Variants in RCAN2 observed in about 807,000 individuals in gnomAD.
RCAN2 encodes regulator of calcineurin 2.
In RCAN2, 9 loss-of-function variants were observed where a neutral mutation model predicts 23.6. The observed-to-expected ratio is 0.38, with a 90% confidence interval of 0.23 to 0.67. The LOEUF is 0.67. RCAN2 is among the 30% of genes least tolerant of loss of function. RCAN2 has a pLI of 0.51. For missense variants in RCAN2, 273 were observed against 302.3 expected (o/e 0.90, Z 0.72); for synonymous variants, 109 against 115.7 (o/e 0.94, Z 0.37).
At chr6:46,459,897 T>C (rs565851911) in intron 1 of RCAN2, among the ~76,000 whole-genome samples, 50 of 152,132 alleles carry the variant, frequency 3.3e-4, no homozygotes, top group Non-Finnish European at 5.9e-4. Flanking sequence ...AACTATGCAG[T>C]AAAAACACAT....
intron 2 of RCAN2, among the ~76,000 whole-genome samples, chr6:46,285,997 A>T (rs1561842914): frequency 6.6e-6 from 1 of 152,252 alleles, no homozygotes; most frequent in Non-Finnish European, 1.5e-5. Context: ...GATGAGCTGC[A>T]TGAAGCTCCT....
At chr6:46,224,805 A>G (rs904403851) in intron 4 of RCAN2, among the ~76,000 whole-genome samples, 4 of 150,770 alleles carry the variant, frequency 2.7e-5, no homozygotes, top group East Asian at 1.9e-4. Context: ...TTTTTTTATT[A>G]TACTTTAACT....
intron 2 of RCAN2, among the ~76,000 whole-genome samples, chr6:46,266,363 A>G (rs1767327195): frequency 6.6e-6 from 1 of 152,108 alleles, no homozygotes; most frequent in African/African-American, 2.4e-5. Flanking sequence ...TCCTTTGATT[A>G]TTATCATGTT....
chr6:46,398,237 A>T (rs887832227), intron 2 of RCAN2, among the ~76,000 whole-genome samples: 2 of 152,194 alleles, frequency 1.3e-5, no homozygotes, highest in African/African-American at 4.8e-5. Context: ...GGCAAATAAC[A>T]TTGTTTTTCT....
intron 2 of RCAN2, among the ~76,000 whole-genome samples, chr6:46,432,231 G>T (rs2150417591): frequency 6.6e-6 from 1 of 151,778 alleles, no homozygotes; most frequent in South Asian, 2.1e-4. Context: ...TTGTTTTCTT[G>T]AGATGGAGTT....
intron 2 of RCAN2, among the ~76,000 whole-genome samples, chr6:46,369,755 C>T (rs944948872): frequency 5.3e-5 from 8 of 152,174 alleles, no homozygotes; most frequent in Non-Finnish European, 7.3e-5. Flanking sequence ...AGCTCTTAGA[C>T]GTAGTTTTAA....
At position 46,302,475 on chromosome 6, in the gene RCAN2, G is replaced by T. The variant is rs1266326844; in HGVS notation, c.226-53579C>A. On this transcript the variant is annotated intron_variant, in intron 2 of 4. Transcript: ENST00000371374. Reference sequence around the variant, plus strand: ...ATTTCTGCCATTCTGCAATTTTGTTGTTTAGATTTGCTGTGATTGCATGAG... The same window carrying T: ...ATTTCTGCCATTCTGCAATTTTGTTTTTTAGATTTGCTGTGATTGCATGAG... Among the ~76,000 whole-genome samples, 3 of 152,016 alleles carry T rather than the reference G, an allele frequency of 2.0e-5. No homozygotes were observed. The East Asian group carries it at 5.8e-4, about 29-fold the overall frequency.
intron 2 of RCAN2, among the ~76,000 whole-genome samples, chr6:46,419,076 C>A (rs118083969): frequency 1.7e-4 from 26 of 152,110 alleles, no homozygotes; most frequent in African/African-American, 6.3e-4. Context: ...CTCTTCAGGC[C>A]GTGTGCATAT....
chr6:46,274,560 A>G (rs1025678456), intron 2 of RCAN2, among the ~76,000 whole-genome samples: 73 of 152,268 alleles, frequency 4.8e-4, no homozygotes, highest in Non-Finnish European at 1.0e-4. Context: ...CTTGGTCACA[A>G]CCTTCAAAGG....
intron 2 of RCAN2, among the ~76,000 whole-genome samples, chr6:46,388,957 GTAAAA>G (rs1041323138): frequency 6.6e-6 from 1 of 152,032 alleles, no homozygotes; most frequent in African/African-American, 2.4e-5. Flanking sequence ...AGAACTTAAA[GTAAAA>G]TAAAACTTTT....
chr6:46,282,667 G>A (rs985278419), intron 2 of RCAN2, among the ~76,000 whole-genome samples: 1 of 152,204 alleles, frequency 6.6e-6, no homozygotes, highest in South Asian at 2.1e-4. Flanking sequence ...GAGCTTAGGA[G>A]GAGACGTTCA....
intron 2 of RCAN2, among the ~76,000 whole-genome samples, chr6:46,290,305 T>C (rs1762516158): frequency 6.6e-6 from 1 of 152,186 alleles, no homozygotes; most frequent in Non-Finnish European, 1.5e-5. Context: ...AATCCTAATT[T>C]TGTAGGTGGA....
intron 2 of RCAN2, among the ~76,000 whole-genome samples, chr6:46,250,020 C>G (rs181102000): frequency 3.9e-5 from 6 of 152,280 alleles, no homozygotes; most frequent in East Asian, 1.9e-4. Flanking sequence ...ACTTTAGACT[C>G]AATACACAAT....
At chr6:46,485,180 G>A (rs1423940479) in intron 1 of RCAN2, among the ~76,000 whole-genome samples, 3 of 152,118 alleles carry the variant, frequency 2.0e-5, no homozygotes, top group African/African-American at 7.2e-5. Flanking sequence ...AAATAATTGG[G>A]AACAATCTGA....
chr6:46,366,926 T>C (rs1029947274), intron 2 of RCAN2, among the ~76,000 whole-genome samples: 1 of 149,566 alleles, frequency 6.7e-6, no homozygotes, highest in African/African-American at 2.5e-5. Context: ...TTTGTAAGCA[T>C]CACAAATACA....
At chr6:46,223,539 A>T (rs1440453006) in intron 4 of RCAN2, among the ~76,000 whole-genome samples, 3 of 152,174 alleles carry the variant, frequency 2.0e-5, no homozygotes, top group African/African-American at 7.2e-5. Context: ...CTTAGCCTCC[A>T]CATCCTTTAC....
intron 2 of RCAN2, among the ~76,000 whole-genome samples, chr6:46,346,480 G>T (rs1764485349): frequency 6.6e-6 from 1 of 152,046 alleles, no homozygotes; most frequent in East Asian, 1.9e-4. Context: ...ATATTTATGT[G>T]CAAGAATGAT....
intron 2 of RCAN2, among the ~76,000 whole-genome samples, chr6:46,361,711 T>A (rs574478259): frequency 4.6e-5 from 7 of 152,188 alleles, no homozygotes; most frequent in Non-Finnish European, 1.0e-4. Context: ...GATATTGGAT[T>A]AGTTTGAATT....
intron 2 of RCAN2, among the ~76,000 whole-genome samples, chr6:46,343,878 C>A (rs1764407341): frequency 1.3e-5 from 2 of 152,074 alleles, no homozygotes; most frequent in Non-Finnish European, 1.5e-5. Context: ...AGCAGATAAT[C>A]AAAATGCAGT....
Sources: gnomAD v4.1 joint callset for allele counts (sites outside exome capture counted in the v4.1 genomes callset) on GRCh38, gnomAD v4.1.1 for gene constraint, MANE v1.5 for transcripts, NCBI Gene and HGNC (gene_info 2026-07-23, HGNC 2026-07-21) for gene names.